Variants in HTT observed in about 807,000 individuals in gnomAD.
HTT encodes the protein huntington disease protein.
A neutral mutation model predicts 362.3 loss-of-function variants in HTT; 104 were observed. That is an observed-to-expected ratio of 0.29 (90% CI 0.24 to 0.34). The LOEUF (loss-of-function observed/expected upper bound fraction) is 0.34, where lower values mean the gene tolerates loss of function less well. Ranked by LOEUF, HTT falls within the 10% of genes least tolerant of loss-of-function variation. The pLI is 1.00. For missense variants in HTT, 3,301 were observed against 3,928.6 expected, an observed-to-expected ratio of 0.84 and a Z score of 4.27; for synonymous variants, 1,577 against 1,548.7, an observed-to-expected ratio of 1.02 and a Z score of -0.43.
chr4:3,131,781 T>C lies in HTT; in HGVS notation c.2236+6T>C. ...TGACACCACGGAATACCCTGGTATG[T>C]TAAAAGTTCACATCTTATTTTCTCA... On this transcript the variant is annotated splice_donor_region_variant and intron_variant, in intron 16 of 66. Coordinates refer to ENST00000355072, the MANE Select transcript of HTT (RefSeq NM_001388492.1). The C allele has an allele frequency of 6.2e-7, 1 of 1,606,858 alleles. No homozygotes were observed. Among genetic ancestry groups the C allele is most frequent in the Non-Finnish European group, 8.5e-7 (1 of 1,175,902 alleles).
At chr4:3,216,451 A>G (rs1245095234) in intron 51 of HTT, among the ~76,000 whole-genome samples, 1 of 152,252 alleles carries the variant, frequency 6.6e-6, no homozygotes, top group Non-Finnish European at 1.5e-5. Context: ...TGTGGATTGA[A>G]ATCAATCAGT....
intron 29 of HTT, among the ~76,000 whole-genome samples, chr4:3,165,691 G>A (rs569577299): frequency 2.0e-4 from 30 of 151,488 alleles, no homozygotes; most frequent in Non-Finnish European, 4.4e-4. Context: ...CCTTTCTTCT[G>A]CTTGATTGAA....
In HTT at chr4:3,223,950, T is replaced by C. The variant is rs200717272; in HGVS notation, c.7626-42T>C. On this transcript the variant is annotated intron_variant, in intron 55 of 66. Transcript: ENST00000355072. ...CTGGTGTTTTTCACTTGTAAGATTT[T>C]GAAGGAAACAAAACACTCTTTACCT... 105 of 1,608,170 alleles carry C rather than the reference T, an allele frequency of 6.5e-5. 1 individual carries two copies. The East Asian group carries it at 1.2e-3, about 18-fold the overall frequency.
At chr4:3,227,900 G>T (rs1409020864) in intron 57 of HTT, among the ~76,000 whole-genome samples, 2 of 152,240 alleles carry the variant, frequency 1.3e-5, no homozygotes, top group Non-Finnish European at 2.9e-5. Context: ...GGGAAAGAGG[G>T]GTGGGGGTTA....
rs556497118 is a variant in HTT, at chr4:3,212,282, G to T, written c.6628+140G>T. Reference sequence around the variant, plus strand: ...ACAGAGGTAGCTAAAGAGCAGCACGGGTGTCCTCGGCTCAGAATTTCTTCC... The same window carrying T: ...ACAGAGGTAGCTAAAGAGCAGCACGTGTGTCCTCGGCTCAGAATTTCTTCC... On this transcript the variant is annotated intron_variant, in intron 48 of 66. Coordinates refer to ENST00000355072, the MANE Select transcript of HTT (RefSeq NM_001388492.1). 538 of 736,302 alleles carry T rather than the reference G, an allele frequency of 7.3e-4. 5 individuals carry two copies. The African/African-American group carries it at 8.6e-3, about 12-fold the overall frequency. The allele number at this position is 736,302 out of a possible 1,614,324, so 45.6% of individuals were successfully genotyped here.
At chr4:3,143,430 CTG>C (rs1716443264) in intron 23 of HTT, among the ~76,000 whole-genome samples, 1 of 108,482 alleles carries the variant, frequency 9.2e-6, no homozygotes, top group African/African-American at 3.4e-5. Context: ...GAGCGAGACT[CTG>C]TCTCAAAAAA....
At chr4:3,077,663 C>T (rs947848614) in intron 1 of HTT, among the ~76,000 whole-genome samples, 1 of 152,170 alleles carries the variant, frequency 6.6e-6, no homozygotes, top group Non-Finnish European at 1.5e-5. Context: ...TGTGATCTGT[C>T]CACCTCGGCC....
intron 3 of HTT, among the ~76,000 whole-genome samples, chr4:3,102,832 A>G (rs1163141925): frequency 1.3e-5 from 2 of 152,210 alleles, no homozygotes; most frequent in Non-Finnish European, 2.9e-5. Context: ...TGCCGTTAGC[A>G]TCGTTACTAG....
In HTT at chr4:3,116,599, TA is replaced by T. The variant is rs1382770791; in HGVS notation, c.1068+337del. ...ACCCACTGTGTGCTAGGCTCTGGGA[TA>T]GGGGCTGGGTATACAATGGTGAGTA... On this transcript the variant is annotated intron_variant, in intron 8 of 66. Coordinates refer to ENST00000355072, the MANE Select transcript of HTT (RefSeq NM_001388492.1). 6.6e-5 allele frequency among the ~76,000 whole-genome samples: 10 copies of T among 152,336 alleles called. No homozygotes were observed. In the South Asian group the frequency reaches 1.2e-3, roughly 19 times the overall value.
intron 11 of HTT, among the ~76,000 whole-genome samples, chr4:3,126,371 TA>T (rs1417819252): frequency 6.6e-6 from 1 of 152,130 alleles, no homozygotes; most frequent in African/African-American, 2.4e-5. Flanking sequence ...GATACTTATC[TA>T]ATGAAATTCT....
chr4:3,098,027 G>A (rs1713951272), intron 2 of HTT, among the ~76,000 whole-genome samples: 1 of 152,156 alleles, frequency 6.6e-6, no homozygotes, highest in Non-Finnish European at 1.5e-5. Flanking sequence ...GGTGTATTGG[G>A]TTAAATTAAA....
At chr4:3,144,208 A>G (rs1716489153) in intron 23 of HTT, among the ~76,000 whole-genome samples, 1 of 152,166 alleles carries the variant, frequency 6.6e-6, no homozygotes, top group African/African-American at 2.4e-5. Flanking sequence ...TTTCTTCTTT[A>G]TATTTTTCAG....
At chr4:3,102,091 T>A (rs1714187665) in intron 3 of HTT, among the ~76,000 whole-genome samples, 1 of 152,070 alleles carries the variant, frequency 6.6e-6, no homozygotes, top group Admixed American at 6.5e-5. Context: ...GTGTATCATT[T>A]AGGAAGAGTG....
chr4:3,163,404 C>T (rs1717539593), intron 29 of HTT, among the ~76,000 whole-genome samples: 1 of 152,182 alleles, frequency 6.6e-6, no homozygotes, highest in Non-Finnish European at 1.5e-5. Flanking sequence ...TGTTGTGTCT[C>T]TGCCAGGCTT....
At chr4:3,192,221 T>C (rs1286818512) in intron 40 of HTT, among the ~76,000 whole-genome samples, 2 of 152,200 alleles carry the variant, frequency 1.3e-5, no homozygotes, top group African/African-American at 4.8e-5. Context: ...ACAATAGGCA[T>C]GTACCAACAT....
chr4:3,205,155 A>C (rs1241026746), intron 42 of HTT, among the ~76,000 whole-genome samples: 1 of 152,214 alleles, frequency 6.6e-6, no homozygotes, highest in African/African-American at 2.4e-5. Flanking sequence ...TTACAAAAAA[A>C]CAAATAAACG....
At chr4:3,127,174 G>T in intron 11 of HTT, 90 bp from the exon 12 acceptor site, 1 of 906,618 alleles carries the variant, frequency 1.1e-6, no homozygotes, top group South Asian at 1.6e-5. Context: ...ATTTGATAAC[G>T]GTGGAACTGT....
intron 3 of HTT, among the ~76,000 whole-genome samples, chr4:3,100,232 G>A (rs1714085893): frequency 6.6e-6 from 1 of 152,160 alleles, no homozygotes; most frequent in Admixed American, 6.5e-5. Context: ...GTGTATGTGT[G>A]AGGATTAAAT....
At chr4:3,180,412 G>A (rs993050750) in intron 35 of HTT, 103 bp from the exon 36 acceptor site, 1 of 1,047,156 alleles carries the variant, frequency 9.5e-7, no homozygotes, top group Non-Finnish European at 1.4e-6. Context: ...GTATGTGTAA[G>A]GGTTTTCTTT....
Sources: gnomAD v4.1 joint callset for allele counts (sites outside exome capture counted in the v4.1 genomes callset) on GRCh38, gnomAD v4.1.1 for gene constraint, MANE v1.5 for transcripts, NCBI Gene and HGNC (gene_info 2026-07-23, HGNC 2026-07-21) for gene names.